The following DOCK3 variants were observed in gnomAD, a reference collection of about 807,000 sequenced individuals.
DOCK3 encodes dedicator of cytokinesis 3.
In DOCK3, 60 loss-of-function variants were observed where a neutral mutation model predicts 265.6. The ratio of observed to expected loss-of-function variants is 0.23; its 90% CI spans 0.18 to 0.28. The LOEUF is 0.28. DOCK3 is among the 10% of genes least tolerant of loss of function. The probability of loss-of-function intolerance (pLI) is 1.00; values close to 1 mark genes in which losing one functional copy is unlikely to be tolerated. For synonymous variants in DOCK3, 881 were observed against 938.0 expected, an observed-to-expected ratio of 0.94 and a Z score of 1.11; for missense variants, 1,981 against 2,594.3, an observed-to-expected ratio of 0.76 and a Z score of 5.14.
chr3:51,277,005 A>C (rs1017943745), intron 25 of DOCK3, among the ~76,000 whole-genome samples: 1 of 152,186 alleles, frequency 6.6e-6, no homozygotes. Context: ...GAGTCCTTCA[A>C]ATGGACCCTG....
Position 50,874,683 on chromosome 3 carries a change from C to A in DOCK3, c.163-15343C>A, listed in dbSNP as rs917189695. Among the ~76,000 whole-genome samples, 24 of 151,422 alleles carry A rather than the reference C, an allele frequency of 1.6e-4. 1 individual carries two copies. The highest frequency in any genetic ancestry group is 3.5e-4 in the Non-Finnish European group (24 of 67,872). On this transcript the variant is annotated intron_variant, in intron 3 of 52. Transcript: ENST00000266037. ...TCCACTTATTTGGTTAAATTTATTCCTAAGTATTTTATTTTATTTTTGGTA... is the reference window on the plus strand; with the variant it reads ...TCCACTTATTTGGTTAAATTTATTCATAAGTATTTTATTTTATTTTTGGTA...
chr3:51,094,524 C>T (rs2109623954), intron 9 of DOCK3, among the ~76,000 whole-genome samples: 1 of 152,152 alleles, frequency 6.6e-6, no homozygotes, highest in African/African-American at 2.4e-5. Context: ...TCCCCTTTAT[C>T]ATTTTTTATT....
intron 12 of DOCK3, among the ~76,000 whole-genome samples, chr3:51,197,027 T>C (rs2088342954): frequency 1.3e-5 from 2 of 152,108 alleles, no homozygotes; most frequent in South Asian, 2.1e-4. Context: ...GAAAGACCTT[T>C]TCCTAAAGAT....
chr3:51,153,374 T>G lies in DOCK3; in HGVS notation c.829-5870T>G, dbSNP rs898974966. Among the ~76,000 whole-genome samples the G allele has an allele frequency of 2.6e-5, 4 of 152,164 alleles. No individual in the cohort carries two copies. In the East Asian group the frequency reaches 5.8e-4, roughly 22 times the overall value. On this transcript the variant is annotated intron_variant, in intron 10 of 52. Coordinates refer to ENST00000266037, the MANE Select transcript of DOCK3 (RefSeq NM_004947.5). The stretch of plus-strand genomic sequence containing the variant: ...AAGACCGTTGTAAAAGTGCAGTATT[T>G]GGGCGAGAGTGTCCCGATTTTCCAG...
chr3:51,171,563 A>G (rs2086682353), intron 12 of DOCK3, among the ~76,000 whole-genome samples: 1 of 151,880 alleles, frequency 6.6e-6, no homozygotes, highest in East Asian at 1.9e-4. Flanking sequence ...AAAAATACAG[A>G]AAAATTAGCG....
At chr3:50,919,680 A>G (rs1559814493) in intron 4 of DOCK3, among the ~76,000 whole-genome samples, 1 of 152,158 alleles carries the variant, frequency 6.6e-6, no homozygotes, top group East Asian at 1.9e-4. Flanking sequence ...TAACTATACA[A>G]TCATGTCATC....
intron 26 of DOCK3, among the ~76,000 whole-genome samples, chr3:51,279,473 A>T (rs2080998136): frequency 6.6e-6 from 1 of 152,192 alleles, no homozygotes; most frequent in Admixed American, 6.5e-5. Flanking sequence ...GCAGGATTTT[A>T]TTCCATGTAT....
At chr3:50,772,049 C>T (rs1472328059) in intron 1 of DOCK3, among the ~76,000 whole-genome samples, 1 of 152,142 alleles carries the variant, frequency 6.6e-6, no homozygotes, top group Non-Finnish European at 1.5e-5. Flanking sequence ...TCTAAGCATC[C>T]ATGAACAGAT....
At chr3:51,334,475 T>TA (rs746557379) in intron 35 of DOCK3, among the ~76,000 whole-genome samples, 10 of 152,218 alleles carry the variant, frequency 6.6e-5, no homozygotes, top group Non-Finnish European at 1.2e-4. Flanking sequence ...ATGCAAAAGA[T>TA]ACAGGTGTCC....
chr3:51,236,485 A>C, intron 20 of DOCK3, 57 bp downstream of exon 20: 1 of 1,487,114 alleles, frequency 6.7e-7, no homozygotes, highest in Non-Finnish European at 9.2e-7. Context: ...TATATTTCAG[A>C]AAATTTAAGG....
intron 1 of DOCK3, among the ~76,000 whole-genome samples, chr3:50,747,283 T>C (rs1363097598): frequency 6.6e-6 from 1 of 152,214 alleles, no homozygotes; most frequent in Non-Finnish European, 1.5e-5. Context: ...TTCAGAGTTG[T>C]CTTGGCTATT....
chr3:51,009,112 C>T (rs1054387836), intron 5 of DOCK3, among the ~76,000 whole-genome samples: 46 of 152,266 alleles, frequency 3.0e-4, no homozygotes, highest in African/African-American at 1.1e-3. Flanking sequence ...GCTTTGGTAT[C>T]GGGATGATGC....
Position 50,880,440 on chromosome 3 carries a change from G to GATGGA in DOCK3, c.163-9586_163-9585insATGGA, listed in dbSNP as rs552993527. 29 of 153,908 alleles carry GATGGA rather than the reference G, an allele frequency of 1.9e-4. 1 individual carries two copies. The South Asian group carries it at 2.0e-3, about 11-fold the overall frequency. The allele number at this position is 153,908 out of a possible 1,614,324, so 9.5% of individuals were successfully genotyped here. Reference sequence around the variant, plus strand: ...ATAGATGCAATACAAAATGATAAAGGGGATATCACCGCCGATCCCACAGAA... The same window carrying GATGGA: ...ATAGATGCAATACAAAATGATAAAGGATGGAGGATATCACCGCCGATCCCACAGAA... On this transcript the variant is annotated intron_variant, in intron 3 of 52. Transcript: ENST00000266037.
chr3:51,086,755 G>A (rs2082441722), intron 7 of DOCK3, among the ~76,000 whole-genome samples: 1 of 152,106 alleles, frequency 6.6e-6, no homozygotes, highest in Non-Finnish European at 1.5e-5. Flanking sequence ...CCAAGATTCT[G>A]CCACTGCACT....
intron 2 of DOCK3, among the ~76,000 whole-genome samples, chr3:50,783,781 A>G (rs2042043146): frequency 6.6e-6 from 1 of 151,428 alleles, no homozygotes; most frequent in South Asian, 2.1e-4. Flanking sequence ...TCCCTAAGCC[A>G]GTGTCTAGAA....
intron 1 of DOCK3, among the ~76,000 whole-genome samples, chr3:50,745,400 T>C (rs2039359806): frequency 1.3e-5 from 2 of 152,168 alleles, no homozygotes; most frequent in African/African-American, 4.8e-5. Context: ...TGGGTAGTAA[T>C]GTTATTTTAA....
At chr3:50,948,917 A>G (rs1252010991) in intron 5 of DOCK3, among the ~76,000 whole-genome samples, 1 of 152,266 alleles carries the variant, frequency 6.6e-6, no homozygotes, top group African/African-American at 2.4e-5. Flanking sequence ...GGATGGACAT[A>G]TAGATCAATG....
At chr3:50,793,594 G>A (rs1020903829) in intron 2 of DOCK3, among the ~76,000 whole-genome samples, 3 of 152,056 alleles carry the variant, frequency 2.0e-5, no homozygotes, top group Admixed American at 6.5e-5. Context: ...CTGATCTCAC[G>A]TGATCCACCT....
At chr3:50,820,688 A>G (rs1427865578) in intron 2 of DOCK3, among the ~76,000 whole-genome samples, 1 of 152,172 alleles carries the variant, frequency 6.6e-6, no homozygotes, top group Non-Finnish European at 1.5e-5. Context: ...GGAAATAGTA[A>G]TGGGATTGCT....
Sources: allele counts gnomAD v4.1 joint callset (sites outside exome capture counted in the v4.1 genomes callset), GRCh38; gene constraint gnomAD v4.1.1; transcripts MANE v1.5; gene names NCBI Gene and HGNC (gene_info 2026-07-23, HGNC 2026-07-21).